The following PRCP variants were observed in gnomAD, a reference collection of about 807,000 sequenced individuals.
PRCP encodes lysosomal Pro-X carboxypeptidase.
Under a neutral mutation model 54.2 loss-of-function variants are expected in PRCP, and 46 were observed. The observed-to-expected ratio is 0.85, with a 90% CI of 0.67 to 1.09. PRCP has a LOEUF of 1.09. PRCP is among the 50% of genes least tolerant of loss of function. PRCP has a pLI of 0.00. For synonymous variants in PRCP, 240 were observed against 212.2 expected, an observed-to-expected ratio of 1.13 and a Z score of -1.14; for missense variants, 613 against 596.8, an observed-to-expected ratio of 1.03 and a Z score of -0.28.
At chr11:82,872,358 G>A (rs1859501397) in intron 1 of PRCP, among the ~76,000 whole-genome samples, 1 of 152,154 alleles carries the variant, frequency 6.6e-6, no homozygotes, top group Non-Finnish European at 1.5e-5. Context: ...ACCTCAGAAT[G>A]TGACTTTATT....
chr11:82,826,259 G>A (rs2511860), intron 8 of PRCP: 6 of 152,146 alleles, frequency 3.9e-5, no homozygotes, highest in Non-Finnish European at 5.9e-5. Flanking sequence ...TTCACTCAGC[G>A]TAATGTTTTC....
chr11:82,901,496 T>G (rs1452538482), upstream of PRCP: 1 of 156,610 alleles, frequency 6.4e-6, no homozygotes. Context: ...CACTCCACAC[T>G]TTCCCGGGAA....
intron 3 of PRCP, among the ~76,000 whole-genome samples, chr11:82,852,941 T>A (rs1239260103): frequency 1.3e-5 from 2 of 152,184 alleles, no homozygotes; most frequent in Non-Finnish European, 2.9e-5. Flanking sequence ...GAGTAAAATT[T>A]AACTTTCTGA....
intron 8 of PRCP, among the ~76,000 whole-genome samples, chr11:82,831,779 G>C (rs1271111242): frequency 2.6e-5 from 4 of 151,676 alleles, no homozygotes; most frequent in African/African-American, 4.9e-5. Flanking sequence ...GTGCAAGTTT[G>C]TTACATAGGT....
At chr11:82,847,351 C>G (rs1432912765) in intron 6 of PRCP, among the ~76,000 whole-genome samples, 1 of 152,222 alleles carries the variant, frequency 6.6e-6, no homozygotes, top group South Asian at 2.1e-4. Context: ...AGGCTCTGAA[C>G]AGTGAAGACC....
chr11:82,836,797 C>G, intron 8 of PRCP: 2 of 264,326 alleles, frequency 7.6e-6, no homozygotes, highest in South Asian at 7.6e-5. Flanking sequence ...AGCCATTTGC[C>G]CTGGCCTCCC....
intron 1 of PRCP, among the ~76,000 whole-genome samples, chr11:82,866,923 T>C (rs755035034): frequency 6.6e-6 from 1 of 152,088 alleles, no homozygotes. Context: ...GGTTTCACCA[T>C]GTTGGCCAGG....
chr11:82,860,791 A>T (rs916021554), intron 1 of PRCP, among the ~76,000 whole-genome samples: 3 of 152,150 alleles, frequency 2.0e-5, no homozygotes, highest in Non-Finnish European at 2.9e-5. Flanking sequence ...CAAGAATTTC[A>T]TGTCTATATC....
At chr11:82,839,096 A>T (rs1433989993) in intron 7 of PRCP, among the ~76,000 whole-genome samples, 165 bp downstream of exon 7, 2 of 152,242 alleles carry the variant, frequency 1.3e-5, no homozygotes, top group African/African-American at 4.8e-5. Context: ...TAAATGAACA[A>T]ATGAATGAAC....
chr11:82,855,329 A>G (rs1282588633), intron 2 of PRCP, among the ~76,000 whole-genome samples: 2 of 152,300 alleles, frequency 1.3e-5, no homozygotes, highest in Non-Finnish European at 2.9e-5. Context: ...TTAAATTTAC[A>G]AGAAAAGGGC....
intron 8 of PRCP, chr11:82,830,081 T>C (rs1016160629): frequency 1.3e-5 from 2 of 152,170 alleles, no homozygotes; most frequent in African/African-American, 4.8e-5. Flanking sequence ...AAAAATGTTT[T>C]TTAAGAAAGA....
intron 2 of PRCP, among the ~76,000 whole-genome samples, chr11:82,856,068 G>A (rs950564137): frequency 4.6e-5 from 7 of 152,198 alleles, no homozygotes; most frequent in East Asian, 1.9e-4. Context: ...CACTTTGGGC[G>A]GCCAAGACAG....
At chr11:82,871,663 A>G (rs1591062791) in intron 1 of PRCP, among the ~76,000 whole-genome samples, 1 of 152,206 alleles carries the variant, frequency 6.6e-6, no homozygotes, top group Non-Finnish European at 1.5e-5. Context: ...CCTGTGATCT[A>G]TGTAACTCAC....
Position 82,849,184 on chromosome 11 carries a change from G to A in PRCP, c.786C>T (p.His262=), listed in dbSNP as rs1237219980. The A allele has an allele frequency of 6.2e-7, 1 of 1,614,002 alleles. No homozygotes were observed. Among genetic ancestry groups the A allele is most frequent in the African/African-American group, 1.3e-5 (1 of 74,914 alleles). ...CCTGAGAAGTTAATGGGCTGCATAA[G>A]TGAAGGGCTCCAGTAAGCCACTGCA... is the stretch of plus-strand genomic sequence containing the variant. ...SGLQWLTGAL[H]LCSPLTSQDI... The change falls in exon 6 of 9, where the codon CAC becomes CAT. Residue 262 remains histidine, a synonymous_variant. Transcript: ENST00000313010.
chr11:82,852,780 T>C (rs1858987332), intron 3 of PRCP, among the ~76,000 whole-genome samples: 1 of 152,236 alleles, frequency 6.6e-6, no homozygotes. Context: ...TTTTATTTTA[T>C]TAAAAACATC....
chr11:82,899,954 C>T, intron 1 of PRCP: 1 of 421,054 alleles, frequency 2.4e-6, no homozygotes, highest in Middle Eastern at 6.3e-4. Flanking sequence ...GGGGCACCCT[C>T]TGGGAGCAGA....
chr11:82,842,102 A>C (rs1383553806), intron 6 of PRCP, among the ~76,000 whole-genome samples: 1 of 152,204 alleles, frequency 6.6e-6, no homozygotes, highest in East Asian at 1.9e-4. Flanking sequence ...AAAACTCTGG[A>C]AAAGAACAGT....
At chr11:82,873,343 C>T (rs1859524542) in intron 1 of PRCP, among the ~76,000 whole-genome samples, 1 of 152,210 alleles carries the variant, frequency 6.6e-6, no homozygotes, top group Non-Finnish European at 1.5e-5. Flanking sequence ...GTAGTCACCA[C>T]TATAGCCCAC....
At chr11:82,873,170 G>A (rs1017216150) in intron 1 of PRCP, among the ~76,000 whole-genome samples, 1 of 151,828 alleles carries the variant, frequency 6.6e-6, no homozygotes, top group Non-Finnish European at 1.5e-5. Context: ...TTCAAGCCAA[G>A]GTATGTCTCT....
Sources: allele counts gnomAD v4.1 joint callset (sites outside exome capture counted in the v4.1 genomes callset), GRCh38; gene constraint gnomAD v4.1.1; transcripts MANE v1.5; gene names NCBI Gene and HGNC (gene_info 2026-07-23, HGNC 2026-07-21).